The following ABCA8 variants were observed in gnomAD, a reference collection of about 807,000 sequenced individuals.
ABCA8 encodes the protein ABC-type organic anion transporter ABCA8.
ABCA8 carries 177 observed loss-of-function variants against 192.3 expected under a neutral mutation model. The ratio of observed to expected loss-of-function variants is 0.92; its 90% CI spans 0.81 to 1.04. ABCA8 has a LOEUF of 1.04. ABCA8 is among the 50% of genes least tolerant of loss of function. The probability of loss-of-function intolerance (pLI) is 0.00; values close to 1 mark genes in which losing one functional copy is unlikely to be tolerated. For missense variants in ABCA8, 1,915 were observed against 1,904.8 expected, an observed-to-expected ratio of 1.01 and a Z score of -0.10; for synonymous variants, 642 against 690.2, an observed-to-expected ratio of 0.93 and a Z score of 1.09.
At chr17:68,873,835 G>A (rs1037948531) in intron 37 of ABCA8, among the ~76,000 whole-genome samples, 25 of 152,076 alleles carry the variant, frequency 1.6e-4, no homozygotes, top group African/African-American at 5.8e-4. Context: ...TTCTTGGCAC[G>A]CTTTTTGAAG....
intron 4 of ABCA8, among the ~76,000 whole-genome samples, chr17:68,937,400 G>A (rs1490238406): frequency 1.3e-5 from 2 of 151,998 alleles, no homozygotes; most frequent in Non-Finnish European, 2.9e-5. Context: ...CAATTAAACT[G>A]TTCAAAAATA....
rs771759667 is a variant in ABCA8, at chr17:68,909,903, CAGT to C, written c.2139-2027_2139-2025del. On this transcript the variant is annotated intron_variant, in intron 17 of 39. Coordinates refer to ENST00000586539, the MANE Select transcript of ABCA8 (RefSeq NM_001288985.2). ...AAAACGACCAATCATGTAACAAAAA[CAGT>C]AGTTTAAAATATGGATTTGACTACT... 1.2e-4 allele frequency among the ~76,000 whole-genome samples: 18 copies of C among 152,176 alleles called. No homozygotes were observed. The East Asian group carries it at 2.7e-3, about 23-fold the overall frequency.
intron 23 of ABCA8, among the ~76,000 whole-genome samples, chr17:68,893,009 TAAAA>T (rs1387187859): frequency 6.6e-6 from 1 of 152,144 alleles, no homozygotes; most frequent in African/African-American, 2.4e-5. Flanking sequence ...ACCCTGCCTC[TAAAA>T]ATAAATTTAA....
At chr17:68,908,286 ATTG>A (rs562570682) in intron 17 of ABCA8, among the ~76,000 whole-genome samples, 1 of 152,212 alleles carries the variant, frequency 6.6e-6, no homozygotes, top group Non-Finnish European at 1.5e-5. Flanking sequence ...ACTAAATAGA[ATTG>A]TTGTATCGCT....
At chr17:68,928,986 A>C in intron 9 of ABCA8, 63 bp downstream of exon 9, 2 of 1,259,638 alleles carry the variant, frequency 1.6e-6, no homozygotes. Context: ...ATTACAGCCT[A>C]TGGATTCCAG....
At chr17:68,935,540 C>CTATA (rs6146128) in intron 5 of ABCA8, among the ~76,000 whole-genome samples, 8,426 of 87,140 alleles carry the variant, frequency 0.097, 528 homozygotes, top group Admixed American at 0.12. Flanking sequence ...AGTAGTATTC[C>CTATA]TATATATATA....
In ABCA8 at chr17:68,936,944, A is replaced by C; in HGVS notation, c.466+7T>G. The C allele has an allele frequency of 6.4e-7, 1 of 1,558,018 alleles. No homozygotes were observed. The highest frequency in any genetic ancestry group is 8.6e-7 in the Non-Finnish European group (1 of 1,157,284). On this transcript the variant is annotated splice_region_variant and intron_variant, in intron 5 of 39. Coordinates refer to ENST00000586539, the MANE Select transcript of ABCA8 (RefSeq NM_001288985.2). ...AGAGTAGTGAAATTTTAGAGCCATA[A>C]AATTACCTGTATGGTCCTTGTGCTC...
intron 38 of ABCA8, among the ~76,000 whole-genome samples, chr17:68,869,400 A>G (rs1217347908): frequency 6.6e-6 from 1 of 152,222 alleles, no homozygotes; most frequent in African/African-American, 2.4e-5. Flanking sequence ...GTTTCAAAAG[A>G]AAGTTTTCTT....
intron 32 of ABCA8, chr17:68,879,813 C>G (rs1477232848): frequency 6.5e-6 from 1 of 152,714 alleles, no homozygotes; most frequent in African/African-American, 2.4e-5. Flanking sequence ...CTCCTGCCAC[C>G]TCAGCTCGCT....
rs755757310 is a variant in ABCA8, at chr17:68,887,033, G to A, written c.3413C>T (p.Ser1138Leu). ...RKGRKNSGIW[S>L]FCFYVVTVFS... ...TATACTTACAACATAGAAACAAAAT[G>A]ACCAAATGCCACTATTTTTTCTCCC... is the stretch of plus-strand genomic sequence containing the variant. The change falls in exon 26 of 40, where the codon TCA becomes TTA. Residue 1138 changes from serine (S) to leucine (L), a missense_variant. Coordinates refer to ENST00000586539, the MANE Select transcript of ABCA8 (RefSeq NM_001288985.2). The A allele has an allele frequency of 6.9e-6, 11 of 1,604,384 alleles. No individual in the cohort carries two copies. The highest frequency in any genetic ancestry group is 1.7e-5 in the Admixed American group (1 of 59,868).
intron 19 of ABCA8, 66 bp from the exon 20 acceptor site, chr17:68,903,565 T>C: frequency 6.7e-7 from 1 of 1,503,416 alleles, no homozygotes; most frequent in Non-Finnish European, 9.2e-7. Context: ...TTGGCTCTGC[T>C]AAGCATCTCA....
Position 68,887,114 on chromosome 17 carries a change from C to A in ABCA8, c.3332G>T (p.Gly1111Val). The A allele has an allele frequency of 6.2e-7, 1 of 1,607,608 alleles. No individual in the cohort carries two copies. Among genetic ancestry groups the A allele is most frequent in the Non-Finnish European group, 8.5e-7 (1 of 1,176,550 alleles). The change falls in exon 26 of 40, where the codon GGT becomes GTT. Residue 1111 changes from glycine (G) to valine (V), a missense_variant. By Grantham distance (109) the Gly-to-Val change is moderately radical. Transcript: ENST00000586539. ...IHIIQIPCAVGYSFSLIFMTY... is the reference protein window; with the variant it reads ...IHIIQIPCAVVYSFSLIFMTY... ...CATGAAGATGAGGGAAAAGGAATAACCAACAGCACATGGGATCTAAAATCA... is the reference window on the plus strand; with the variant it reads ...CATGAAGATGAGGGAAAAGGAATAAACAACAGCACATGGGATCTAAAATCA...
At chr17:68,947,070 CT>C (rs2068431901) in intron 2 of ABCA8, among the ~76,000 whole-genome samples, 1 of 152,098 alleles carries the variant, frequency 6.6e-6, no homozygotes, top group African/African-American at 2.4e-5. Context: ...GCTACTTATA[CT>C]CTTCTAAATG....
chr17:68,919,612 C>A, intron 13 of ABCA8, 136 bp from the exon 14 acceptor site: 2 of 726,980 alleles, frequency 2.8e-6, no homozygotes, highest in Non-Finnish European at 4.4e-6. Flanking sequence ...ACTTTAGTTG[C>A]ATAGTATATT....
rs368975529 is a variant in ABCA8, at chr17:68,905,054, G to A, written c.2398+990C>T. 2.9e-3 allele frequency among the ~76,000 whole-genome samples: 434 copies of A among 152,218 alleles called. 2 individuals carry two copies. Among genetic ancestry groups the A allele is most frequent in the African/African-American group, 0.01 (419 of 41,530 alleles). On this transcript the variant is annotated intron_variant, in intron 19 of 39. Transcript: ENST00000586539. Reference sequence around the variant, plus strand: ...ACCTGATTCTACCTTTAAAACATTCGAAGCTGGGAGTGGACTGAATCTAAT... The same window carrying A: ...ACCTGATTCTACCTTTAAAACATTCAAAGCTGGGAGTGGACTGAATCTAAT...
At chr17:68,885,337 G>A (rs764223808) in intron 26 of ABCA8, 22 bp from the exon 27 acceptor site, 2 of 1,585,230 alleles carry the variant, frequency 1.3e-6, no homozygotes, top group African/African-American at 2.7e-5. Context: ...AAATATGAAG[G>A]TTAATCACTC....
rs2067121076 is a variant in ABCA8 at position 68,907,871 on chromosome 17, AACT to A, written c.2144_2146del (p.Gln715del). On this transcript the variant is annotated inframe_deletion, in exon 18 of 40. Coordinates refer to ENST00000586539, the MANE Select transcript of ABCA8 (RefSeq NM_001288985.2). The stretch of plus-strand genomic sequence containing the variant: ...GTTTTCCTCAACACATATTTCATTT[AACT>A]GCAAGCTGGCATTCAGAAAAAAAAA... 1 of 1,574,456 alleles carries A rather than the reference AACT, an allele frequency of 6.4e-7. No homozygotes were observed. Among genetic ancestry groups the A allele is most frequent in the African/African-American group, 1.4e-5 (1 of 70,820 alleles).
intron 27 of ABCA8, 80 bp downstream of exon 27, chr17:68,885,116 A>G: frequency 2.1e-6 from 3 of 1,461,636 alleles, no homozygotes; most frequent in South Asian, 1.4e-5. Flanking sequence ...AACATGTTGT[A>G]GTAGACCTTC....
intron 5 of ABCA8, among the ~76,000 whole-genome samples, chr17:68,934,046 G>A (rs896922715): frequency 6.6e-6 from 1 of 151,852 alleles, no homozygotes; most frequent in African/African-American, 2.4e-5. Context: ...TTTCCTGAAC[G>A]TTATGTATAT....
Sources: gnomAD v4.1 joint callset for allele counts (sites outside exome capture counted in the v4.1 genomes callset) on GRCh38, gnomAD v4.1.1 for gene constraint, MANE v1.5 for transcripts, NCBI Gene and HGNC (gene_info 2026-07-23, HGNC 2026-07-21) for gene names.